TBC1D5: variants seen among roughly 807,000 people sequenced by gnomAD.
TBC1D5 encodes TBC1 domain family, member 5.
TBC1D5 carries 75 observed loss-of-function variants against 100.3 expected under a neutral mutation model. The ratio of observed to expected loss-of-function variants is 0.75; its 90% CI spans 0.62 to 0.91. The LOEUF is 0.91. Among genes scored for constraint, TBC1D5 ranks in the 40% least tolerant of loss-of-function variants. The pLI is 0.00. For synonymous variants in TBC1D5, 323 were observed against 325.6 expected, an observed-to-expected ratio of 0.99 and a Z score of 0.09; for missense variants, 910 against 942.4, an observed-to-expected ratio of 0.97 and a Z score of 0.45.
chr3:17,641,578 C>T (rs568177244), intron 1 of TBC1D5, among the ~76,000 whole-genome samples: 1 of 152,224 alleles, frequency 6.6e-6, no homozygotes, highest in African/African-American at 2.4e-5. Flanking sequence ...CTATCATTTG[C>T]TACGCACCTT....
At chr3:17,301,486 AT>A (rs1189080706) in intron 14 of TBC1D5, among the ~76,000 whole-genome samples, 1 of 152,232 alleles carries the variant, frequency 6.6e-6, no homozygotes, top group East Asian at 1.9e-4. Flanking sequence ...CTGGCCTGGC[AT>A]TACCCCAAGT....
chr3:17,396,916 G>A (rs961922463), intron 8 of TBC1D5, among the ~76,000 whole-genome samples: 2 of 151,982 alleles, frequency 1.3e-5, no homozygotes, highest in Non-Finnish European at 2.9e-5. Context: ...CTGCTGGGGC[G>A]AGCATAATAA....
At chr3:17,413,947 T>C (rs1425670598) in intron 4 of TBC1D5, among the ~76,000 whole-genome samples, 2 of 152,136 alleles carry the variant, frequency 1.3e-5, no homozygotes, top group Non-Finnish European at 2.9e-5. Flanking sequence ...GACAATGAAA[T>C]TGCTGAGTGG....
At chr3:17,593,968 A>C (rs2060402271) in intron 2 of TBC1D5, among the ~76,000 whole-genome samples, 1 of 152,184 alleles carries the variant, frequency 6.6e-6, no homozygotes, top group Non-Finnish European at 1.5e-5. Context: ...TGGAAGTGGC[A>C]CCACTCACCA....
At chr3:17,560,633 G>T (rs2096552382) in intron 2 of TBC1D5, among the ~76,000 whole-genome samples, 1 of 149,786 alleles carries the variant, frequency 6.7e-6, no homozygotes, top group South Asian at 2.1e-4. Flanking sequence ...AAAAAAAGGG[G>T]GGGTGGGGGG....
intron 1 of TBC1D5, among the ~76,000 whole-genome samples, chr3:17,671,793 T>C (rs547830229): frequency 6.6e-6 from 1 of 152,310 alleles, no homozygotes; most frequent in African/African-American, 2.4e-5. Context: ...GTTAAGCTAG[T>C]CTTGTCTCAT....
intron 3 of TBC1D5, among the ~76,000 whole-genome samples, chr3:17,475,994 A>G (rs1397775714): frequency 6.6e-6 from 1 of 152,102 alleles, no homozygotes; most frequent in Non-Finnish European, 1.5e-5. Flanking sequence ...TTCTTCATAC[A>G]TATATGGCTA....
intron 15 of TBC1D5, among the ~76,000 whole-genome samples, chr3:17,282,578 A>T (rs909344435): frequency 6.6e-6 from 1 of 152,230 alleles, no homozygotes; most frequent in Non-Finnish European, 1.5e-5. Flanking sequence ...GTCTCACTAA[A>T]GGAACCTTGT....
At position 17,600,231 on chromosome 3, in the gene TBC1D5, T is replaced by C. The variant is rs80079216; in HGVS notation, c.-36+23618A>G. 5.4e-3 allele frequency among the ~76,000 whole-genome samples: 817 copies of C among 152,318 alleles called. 12 individuals carry two copies. Among genetic ancestry groups the C allele is most frequent in the African/African-American group, 0.019 (783 of 41,558 alleles). On this transcript the variant is annotated intron_variant, in intron 2 of 21. Transcript: ENST00000253692. ...TCATATAATATGTTATGTTATGTTA[T>C]GTTATGTTATGTTAATAACGGAGGT...
intron 14 of TBC1D5, among the ~76,000 whole-genome samples, chr3:17,301,343 G>C (rs1263526793): frequency 6.6e-6 from 1 of 152,154 alleles, no homozygotes; most frequent in African/African-American, 2.4e-5. Flanking sequence ...TGCTTTCTTT[G>C]AAGAAGCTAT....
chr3:17,667,882 A>G (rs1324772864), intron 1 of TBC1D5, among the ~76,000 whole-genome samples: 1 of 151,866 alleles, frequency 6.6e-6, no homozygotes, highest in East Asian at 1.9e-4. Context: ...TTTTTCAAAC[A>G]CTTATGAAAT....
At chr3:17,228,586 T>C (rs2075131595) in intron 17 of TBC1D5, among the ~76,000 whole-genome samples, 1 of 152,132 alleles carries the variant, frequency 6.6e-6, no homozygotes, top group Non-Finnish European at 1.5e-5. Context: ...AGAACCATCA[T>C]ATATGCATCA....
At chr3:17,629,435 C>T (rs1371650511) in intron 1 of TBC1D5, among the ~76,000 whole-genome samples, 1 of 151,916 alleles carries the variant, frequency 6.6e-6, no homozygotes. Context: ...AATGTAATAC[C>T]CAGTTAATTC....
rs371691957 is a variant in TBC1D5 at position 17,216,614 on chromosome 3, G to A, written c.1589-2244C>T. On this transcript the variant is annotated intron_variant, in intron 17 of 21. Coordinates refer to ENST00000253692, the Ensembl canonical transcript of TBC1D5. ...CTAGAAGTATCCTATGCTTATAAGGGCCTAGACTATGAAAATTCCACCTAG... is the reference window on the plus strand; with the variant it reads ...CTAGAAGTATCCTATGCTTATAAGGACCTAGACTATGAAAATTCCACCTAG... 1.8e-4 allele frequency among the ~76,000 whole-genome samples: 27 copies of A among 152,130 alleles called. No individual in the cohort carries two copies. The South Asian group carries it at 5.6e-3, about 32-fold the overall frequency.
In TBC1D5 at chr3:17,502,401, A is replaced by T. The variant is rs1425777466; in HGVS notation, c.97+6073T>A. Among the ~76,000 whole-genome samples the T allele has an allele frequency of 2.0e-5, 3 of 149,224 alleles. 1 individual carries two copies. Among genetic ancestry groups the T allele is most frequent in the African/African-American group, 7.7e-5 (3 of 39,176 alleles). On this transcript the variant is annotated intron_variant, in intron 3 of 21. Transcript: ENST00000253692. ...TTGACATCTTAGCTTCTTTGGTATC[A>T]CACCATCCTGGTTTTCCTTCTACTT...
chr3:17,583,040 T>G (rs2096709655), intron 2 of TBC1D5, among the ~76,000 whole-genome samples: 1 of 152,136 alleles, frequency 6.6e-6, no homozygotes, highest in Non-Finnish European at 1.5e-5. Context: ...ATCCCAGCAC[T>G]TTAAGAGACC....
At chr3:17,485,171 T>C (rs573195031) in intron 3 of TBC1D5, among the ~76,000 whole-genome samples, 7 of 152,256 alleles carry the variant, frequency 4.6e-5, no homozygotes, top group Non-Finnish European at 8.8e-5. Flanking sequence ...GGAATGGGTT[T>C]ATTTTTTTAA....
intron 18 of TBC1D5, among the ~76,000 whole-genome samples, chr3:17,197,282 G>C (rs2070821145): frequency 6.6e-6 from 1 of 151,988 alleles, no homozygotes; most frequent in Non-Finnish European, 1.5e-5. Context: ...ACTTTTATTA[G>C]GTTCCTACTT....
chr3:17,375,932 A>G (rs2092690203), intron 10 of TBC1D5, among the ~76,000 whole-genome samples: 1 of 152,162 alleles, frequency 6.6e-6, no homozygotes, highest in South Asian at 2.1e-4. Context: ...TCCATTTCCA[A>G]AATGATTTTC....
Sources: allele counts gnomAD v4.1 joint callset (sites outside exome capture counted in the v4.1 genomes callset), GRCh38; gene constraint gnomAD v4.1.1; transcripts MANE v1.5; gene names NCBI Gene and HGNC (gene_info 2026-07-23, HGNC 2026-07-21).